The following CSMD1 variants were observed in gnomAD, a reference collection of about 807,000 sequenced individuals.
CSMD1 encodes the protein CUB and sushi domain-containing protein 1.
Under a neutral mutation model 417.5 loss-of-function variants are expected in CSMD1, and 213 were observed. That is an observed-to-expected ratio of 0.51 (90% CI 0.46 to 0.57). CSMD1 has a LOEUF of 0.57. CSMD1 is among the 20% of genes least tolerant of loss of function. The probability of loss-of-function intolerance (pLI) is 0.00; values close to 1 mark genes in which losing one functional copy is unlikely to be tolerated. For missense variants in CSMD1, 6,923 were observed against 4,529.7 expected (o/e 1.53, Z -15.17); for synonymous variants, 2,862 against 1,736.8 (o/e 1.65, Z -16.11).
At chr8:4,848,831 A>G (rs899506932) in intron 1 of CSMD1, among the ~76,000 whole-genome samples, 3 of 152,242 alleles carry the variant, frequency 2.0e-5, no homozygotes, top group East Asian at 3.8e-4. Flanking sequence ...GGCGTGAGCC[A>G]ACGCGCCCAA....
chr8:3,725,764 G>C (rs1249581884), intron 6 of CSMD1, among the ~76,000 whole-genome samples: 1 of 152,066 alleles, frequency 6.6e-6, no homozygotes, highest in Non-Finnish European at 1.5e-5. Context: ...CAGAGTGGAA[G>C]GACTTGGGAA....
chr8:4,771,935 G>C (rs568844620), intron 1 of CSMD1, among the ~76,000 whole-genome samples: 1 of 152,114 alleles, frequency 6.6e-6, no homozygotes, highest in South Asian at 2.1e-4. Flanking sequence ...AGCCCATCCC[G>C]GGGATCTCGT....
intron 3 of CSMD1, among the ~76,000 whole-genome samples, chr8:4,262,986 G>A (rs568477097): frequency 1.1e-4 from 16 of 152,184 alleles, no homozygotes; most frequent in South Asian, 6.2e-4. Context: ...CATTTTATAC[G>A]CCTTTAGCTC....
intron 3 of CSMD1, among the ~76,000 whole-genome samples, chr8:4,072,907 A>G (rs1318686128): frequency 6.6e-6 from 1 of 152,188 alleles, no homozygotes; most frequent in Non-Finnish European, 1.5e-5. Context: ...TCAAATCAAC[A>G]CAACCTTGGA....
intron 2 of CSMD1, among the ~76,000 whole-genome samples, chr8:4,519,936 C>A (rs3056677): frequency 6.8e-6 from 1 of 146,994 alleles, no homozygotes; most frequent in African/African-American, 2.5e-5. Flanking sequence ...TGTGTGTGTG[C>A]GTGTGTGTGT....
intron 23 of CSMD1, among the ~76,000 whole-genome samples, chr8:3,314,051 A>T (rs1003388225): frequency 4.0e-5 from 6 of 151,688 alleles, no homozygotes; most frequent in Non-Finnish European, 8.8e-5. Context: ...GTTCTCACTC[A>T]TAGGTGGGAA....
intron 12 of CSMD1, among the ~76,000 whole-genome samples, chr8:3,442,130 T>C (rs1274414483): frequency 1.3e-5 from 2 of 151,728 alleles, no homozygotes; most frequent in African/African-American, 4.8e-5. Flanking sequence ...ACTATAAAAA[T>C]ATTTTTGTGC....
At chr8:3,168,342 A>G (rs765563746) in intron 37 of CSMD1, among the ~76,000 whole-genome samples, 23 of 152,320 alleles carry the variant, frequency 1.5e-4, no homozygotes, top group South Asian at 8.3e-4. Context: ...GGCACACGAC[A>G]CACAGATGAA....
At chr8:3,372,598 AAGG>A (rs1317711096) in intron 18 of CSMD1, among the ~76,000 whole-genome samples, 1 of 152,114 alleles carries the variant, frequency 6.6e-6, no homozygotes, top group Non-Finnish European at 1.5e-5. Flanking sequence ...TTACGATAAA[AAGG>A]AGGAGCTGGG....
chr8:3,863,487 T>C (rs1367325412), intron 5 of CSMD1, among the ~76,000 whole-genome samples: 1 of 151,890 alleles, frequency 6.6e-6, no homozygotes, highest in Non-Finnish European at 1.5e-5. Flanking sequence ...TCCCTGCCTC[T>C]AAATACGAAC....
In CSMD1 at chr8:3,936,207, C is replaced by T. The variant is rs181795250; in HGVS notation, c.818+61696G>A. ...AAGAAAAAAAAAAAAAAGCCATCTG[C>T]GTAACATAAAAGGGCAAGGTAAAGC... On this transcript the variant is annotated intron_variant, in intron 5 of 69. Coordinates refer to ENST00000635120, the MANE Select transcript of CSMD1 (RefSeq NM_033225.6). 2.0e-3 allele frequency among the ~76,000 whole-genome samples: 294 copies of T among 149,192 alleles called. 2 individuals carry two copies. Among genetic ancestry groups the T allele is most frequent in the African/African-American group, 3.5e-3 (141 of 40,838 alleles).
At chr8:3,718,012 C>T (rs1055406551) in intron 6 of CSMD1, among the ~76,000 whole-genome samples, 2 of 152,152 alleles carry the variant, frequency 1.3e-5, no homozygotes, top group Non-Finnish European at 2.9e-5. Flanking sequence ...AATATCTTAA[C>T]TAAAGCCTCT....
rs558590278 is a variant in CSMD1 at position 3,101,646 on chromosome 8, C to T, written c.6950-4609G>A. Among the ~76,000 whole-genome samples, 10 of 152,040 alleles carry T rather than the reference C, an allele frequency of 6.6e-5. No homozygotes were observed. In the South Asian group the frequency reaches 1.5e-3, roughly 22 times the overall value. Reference sequence around the variant, plus strand: ...TTCACCATGTTACCCAGGATGGTCTCGATCTCCTGACCTTGTGATCCGCTC... The same window carrying T: ...TTCACCATGTTACCCAGGATGGTCTTGATCTCCTGACCTTGTGATCCGCTC... On this transcript the variant is annotated intron_variant, in intron 46 of 69. Transcript: ENST00000635120.
intron 5 of CSMD1, among the ~76,000 whole-genome samples, chr8:3,985,704 A>T (rs1314555222): frequency 6.6e-6 from 1 of 151,996 alleles, no homozygotes; most frequent in East Asian, 1.9e-4. Flanking sequence ...ATCAAGTAAC[A>T]ACTTGATTCA....
At chr8:4,478,320 G>A (rs1417582740) in intron 2 of CSMD1, among the ~76,000 whole-genome samples, 2 of 152,198 alleles carry the variant, frequency 1.3e-5, no homozygotes, top group African/African-American at 2.4e-5. Context: ...GTTGCCTCAT[G>A]TGACAGTTTA....
intron 3 of CSMD1, among the ~76,000 whole-genome samples, chr8:4,409,096 A>G (rs989520682): frequency 1.3e-5 from 2 of 152,178 alleles, no homozygotes; most frequent in Non-Finnish European, 2.9e-5. Context: ...AGCCTTTTTT[A>G]AAGTTTAGCA....
intron 1 of CSMD1, among the ~76,000 whole-genome samples, chr8:4,792,593 T>C (rs1445752551): frequency 2.0e-5 from 3 of 152,178 alleles, no homozygotes; most frequent in African/African-American, 4.8e-5. Context: ...TGCAAGAAAC[T>C]GTTGAATAGA....
At chr8:4,776,936 T>C (rs1346099152) in intron 1 of CSMD1, among the ~76,000 whole-genome samples, 1 of 152,234 alleles carries the variant, frequency 6.6e-6, no homozygotes, top group Admixed American at 6.5e-5. Flanking sequence ...TTAAAGGCAC[T>C]GGTGTTTGTA....
chr8:3,967,953 G>C (rs1312412266), intron 5 of CSMD1, among the ~76,000 whole-genome samples: 3 of 148,224 alleles, frequency 2.0e-5, no homozygotes, highest in South Asian at 4.3e-4. Context: ...GGATCACGAG[G>C]TCAGGAGATC....
Sources: gnomAD v4.1 joint callset for allele counts (sites outside exome capture counted in the v4.1 genomes callset) on GRCh38, gnomAD v4.1.1 for gene constraint, MANE v1.5 for transcripts, NCBI Gene and HGNC (gene_info 2026-07-23, HGNC 2026-07-21) for gene names.